The following WWOX variants were observed in gnomAD, a reference collection of about 807,000 sequenced individuals.
The protein encoded by WWOX is WW domain-containing oxidoreductase.
A neutral mutation model predicts 46.2 loss-of-function variants in WWOX; 69 were observed. The ratio of observed to expected loss-of-function variants is 1.49; its 90% CI spans 1.23 to 1.82. The LOEUF is 1.82. Ranked by LOEUF, WWOX falls within the 40% of genes most tolerant of loss-of-function variation. The probability of loss-of-function intolerance (pLI) is 0.00; values close to 1 mark genes in which losing one functional copy is unlikely to be tolerated. For missense variants in WWOX, 919 were observed against 542.6 expected, an observed-to-expected ratio of 1.69 and a Z score of -6.89; for synonymous variants, 359 against 202.6, an observed-to-expected ratio of 1.77 and a Z score of -6.56.
intron 5 of WWOX, among the ~76,000 whole-genome samples, chr16:78,256,423 A>T (rs1371371311): frequency 6.6e-6 from 1 of 151,874 alleles, no homozygotes; most frequent in African/African-American, 2.4e-5. Context: ...TTGACTCTTA[A>T]ATTCATTGGT....
chr16:78,526,880 C>G (rs971955152), intron 8 of WWOX, among the ~76,000 whole-genome samples: 4 of 152,234 alleles, frequency 2.6e-5, no homozygotes, highest in East Asian at 1.9e-4. Context: ...AGTGTGCCAG[C>G]GAGGGCAGGT....
chr16:79,044,166 T>G (rs1428992133), intron 8 of WWOX, among the ~76,000 whole-genome samples: 2 of 152,144 alleles, frequency 1.3e-5, no homozygotes, highest in Non-Finnish European at 2.9e-5. Context: ...ATGTTCACTG[T>G]GTTCAGGGAG....
At chr16:79,102,960 C>A (rs1168676498) in intron 8 of WWOX, among the ~76,000 whole-genome samples, 1 of 152,118 alleles carries the variant, frequency 6.6e-6, no homozygotes, top group Non-Finnish European at 1.5e-5. Flanking sequence ...TCTTCCTTTT[C>A]TTCCTCATCC....
At chr16:78,958,864 GA>G (rs1229850889) in intron 8 of WWOX, among the ~76,000 whole-genome samples, 5 of 152,122 alleles carry the variant, frequency 3.3e-5, no homozygotes, top group Admixed American at 2.0e-4. Flanking sequence ...TGATTCAAAA[GA>G]AAAAAACATG....
At chr16:78,397,972 G>A (rs574782362) in intron 6 of WWOX, among the ~76,000 whole-genome samples, 12 of 152,334 alleles carry the variant, frequency 7.9e-5, no homozygotes, top group South Asian at 4.1e-4. Context: ...CATGGAGTTC[G>A]TTTAAGCTGA....
intron 5 of WWOX, among the ~76,000 whole-genome samples, chr16:78,246,257 C>A (rs781441636): frequency 6.6e-6 from 1 of 152,100 alleles, no homozygotes; most frequent in African/African-American, 2.4e-5. Context: ...AATCATGTAC[C>A]GTGAAACCAA....
At chr16:78,940,565 A>G (rs2045831523) in intron 8 of WWOX, among the ~76,000 whole-genome samples, 1 of 152,178 alleles carries the variant, frequency 6.6e-6, no homozygotes, top group African/African-American at 2.4e-5. Flanking sequence ...ATCCATTAGT[A>G]CCTGAGTGGG....
intron 5 of WWOX, among the ~76,000 whole-genome samples, chr16:78,280,379 C>G (rs142977563): frequency 6.6e-6 from 1 of 152,318 alleles, no homozygotes; most frequent in African/African-American, 2.4e-5. Context: ...AATGCAATAA[C>G]TTCTGCGAAA....
intron 8 of WWOX, among the ~76,000 whole-genome samples, chr16:78,635,304 T>C (rs2046541222): frequency 6.6e-6 from 1 of 152,086 alleles, no homozygotes; most frequent in Non-Finnish European, 1.5e-5. Context: ...CTTTAATCCA[T>C]CGCCCAAAAA....
intron 8 of WWOX, among the ~76,000 whole-genome samples, chr16:78,721,408 T>C (rs1365301005): frequency 6.6e-6 from 1 of 152,198 alleles, no homozygotes; most frequent in Non-Finnish European, 1.5e-5. Flanking sequence ...ATTATTCTTA[T>C]TGTATGAACA....
chr16:78,746,643 C>T (rs1295988616), intron 8 of WWOX, among the ~76,000 whole-genome samples: 1 of 151,524 alleles, frequency 6.6e-6, no homozygotes, highest in Non-Finnish European at 1.5e-5. Context: ...TGAGCAGAGT[C>T]TTGAGATGTG....
chr16:78,568,566 C>T (rs2044635122), intron 8 of WWOX, among the ~76,000 whole-genome samples: 1 of 150,850 alleles, frequency 6.6e-6, no homozygotes. Flanking sequence ...ACCTCTGCCT[C>T]CTGGATTCAA....
intron 8 of WWOX, among the ~76,000 whole-genome samples, chr16:78,435,441 T>A (rs370967939): frequency 1.3e-5 from 2 of 152,154 alleles, no homozygotes; most frequent in East Asian, 1.9e-4. Flanking sequence ...GAGAAACAAA[T>A]GTCCTCTGGG....
At chr16:78,234,415 A>G (rs947406279) in intron 5 of WWOX, among the ~76,000 whole-genome samples, 6 of 152,200 alleles carry the variant, frequency 3.9e-5, no homozygotes, top group African/African-American at 9.6e-5. Context: ...GTGTGTGTGT[A>G]GTGTGGGCCC....
chr16:79,015,630 C>G (rs932347810), intron 8 of WWOX, among the ~76,000 whole-genome samples: 2 of 152,214 alleles, frequency 1.3e-5, no homozygotes, highest in Admixed American at 6.5e-5. Flanking sequence ...GTTGGAAGCA[C>G]ACCACTGTGG....
At chr16:78,939,092 C>A (rs544588089) in intron 8 of WWOX, among the ~76,000 whole-genome samples, 2 of 152,196 alleles carry the variant, frequency 1.3e-5, no homozygotes, top group Admixed American at 6.5e-5. Flanking sequence ...GGGCTTTAGA[C>A]AGGACAGTGG....
At chr16:78,484,877 C>G (rs1197556951) in intron 8 of WWOX, among the ~76,000 whole-genome samples, 1 of 152,060 alleles carries the variant, frequency 6.6e-6, no homozygotes, top group Non-Finnish European at 1.5e-5. Context: ...CATTTCTGTC[C>G]CAGTTACATC....
intron 8 of WWOX, among the ~76,000 whole-genome samples, chr16:79,180,310 C>G (rs1187294655): frequency 6.6e-6 from 1 of 152,170 alleles, no homozygotes; most frequent in African/African-American, 2.4e-5. Context: ...TGGAAGGTCA[C>G]GCAAGGAAGC....
rs2049020661 is a variant in WWOX at position 78,733,794 on chromosome 16, A to C, written c.1056+301042A>C. Among the ~76,000 whole-genome samples, 3 of 151,816 alleles carry C rather than the reference A, an allele frequency of 2.0e-5. No homozygotes were observed. The South Asian group carries it at 6.2e-4, about 32-fold the overall frequency. On this transcript the variant is annotated intron_variant, in intron 8 of 8. Transcript: ENST00000566780. ...TAAAATAACTAACTAGGCTAGGCAC[A>C]GTGGGTCATGCCTGCCATCCCAGCA...
Sources: gnomAD v4.1 joint callset for allele counts (sites outside exome capture counted in the v4.1 genomes callset) on GRCh38, gnomAD v4.1.1 for gene constraint, MANE v1.5 for transcripts, NCBI Gene and HGNC (gene_info 2026-07-23, HGNC 2026-07-21) for gene names.